Variants in BTBD1 observed in about 807,000 individuals in gnomAD.
The protein encoded by BTBD1 is BTB/POZ domain-containing protein 1.
BTBD1 carries 34 observed loss-of-function variants against 48.0 expected under a neutral mutation model. The observed-to-expected ratio is 0.71, with a 90% confidence interval of 0.54 to 0.94. The LOEUF is 0.94. BTBD1 is among the 40% of genes least tolerant of loss of function. BTBD1 has a pLI of 0.00. For missense variants in BTBD1, 543 were observed against 625.6 expected (o/e 0.87, Z 1.41); for synonymous variants, 261 against 242.1 (o/e 1.08, Z -0.72).
intron 5 of BTBD1, among the ~76,000 whole-genome samples, chr15:83,028,997 T>C (rs918520437): frequency 6.6e-6 from 1 of 152,184 alleles, no homozygotes; most frequent in African/African-American, 2.4e-5. Context: ...ATTTGTTTTC[T>C]AGCTACTTGG....
chr15:83,034,797 G>A (rs935897625), intron 4 of BTBD1, among the ~76,000 whole-genome samples: 2 of 152,150 alleles, frequency 1.3e-5, no homozygotes, highest in Non-Finnish European at 2.9e-5. Context: ...CATACCCTGA[G>A]ATTTAAATCT....
intron 1 of BTBD1, among the ~76,000 whole-genome samples, chr15:83,062,310 G>GA (rs2033189045): frequency 6.6e-6 from 1 of 152,044 alleles, no homozygotes; most frequent in African/African-American, 2.4e-5. Flanking sequence ...AAGCAATGCA[G>GA]AAAAAAATGG....
intron 1 of BTBD1, among the ~76,000 whole-genome samples, chr15:83,065,641 T>C (rs62010175): frequency 0.19 from 29,300 of 152,218 alleles, 3,016 homozygotes; most frequent in Non-Finnish European, 0.22. Context: ...CATCTTAGTA[T>C]AATGAAACAG....
At chr15:83,050,374 T>C (rs559085146) in intron 2 of BTBD1, among the ~76,000 whole-genome samples, 196 bp from the exon 3 acceptor site, 6 of 152,120 alleles carry the variant, frequency 3.9e-5, no homozygotes, top group Non-Finnish European at 2.9e-5. Flanking sequence ...AAAATACAAA[T>C]GCCCTGCTAA....
At chr15:83,052,106 G>A (rs1363720929) in intron 2 of BTBD1, among the ~76,000 whole-genome samples, 1 of 151,882 alleles carries the variant, frequency 6.6e-6, no homozygotes, top group African/African-American at 2.4e-5. Flanking sequence ...ACAGGCGCCT[G>A]CCACCACACC....
intron 1 of BTBD1, among the ~76,000 whole-genome samples, chr15:83,056,799 G>A (rs1347277899): frequency 2.0e-5 from 3 of 151,528 alleles, no homozygotes; most frequent in Non-Finnish European, 4.4e-5. Flanking sequence ...TCTGGCTCAA[G>A]CCATCCTCCC....
chr15:83,048,231 G>T (rs2032914972), intron 3 of BTBD1, among the ~76,000 whole-genome samples: 1 of 152,180 alleles, frequency 6.6e-6, no homozygotes, highest in Admixed American at 6.5e-5. Flanking sequence ...TGGTGGTGTT[G>T]TTAAGGAAGA....
chr15:83,051,929 T>C (rs1446749543), intron 2 of BTBD1, among the ~76,000 whole-genome samples: 2 of 132,574 alleles, frequency 1.5e-5, no homozygotes, highest in African/African-American at 5.7e-5. Flanking sequence ...GAGACTAAAC[T>C]ATTTGAGAGT....
intron 6 of BTBD1, among the ~76,000 whole-genome samples, chr15:83,019,590 T>C (rs1255444702): frequency 2.2e-5 from 2 of 90,898 alleles, no homozygotes; most frequent in African/African-American, 7.8e-5. Flanking sequence ...GCCTGGTGTC[T>C]TTTTTTTTTT....
At chr15:83,064,640 G>C (rs12442728) in intron 1 of BTBD1, among the ~76,000 whole-genome samples, 1 of 151,876 alleles carries the variant, frequency 6.6e-6, no homozygotes, top group Non-Finnish European at 1.5e-5. Context: ...GTATCACTTA[G>C]GGAGAGTGTT....
chr15:83,052,657 G>A (rs2033010199), intron 2 of BTBD1, among the ~76,000 whole-genome samples: 1 of 146,100 alleles, frequency 6.8e-6, no homozygotes, highest in Non-Finnish European at 1.5e-5. Context: ...TTGAGATGGA[G>A]TCTCGCTCTG....
At chr15:83,058,662 A>T (rs936613810) in intron 1 of BTBD1, among the ~76,000 whole-genome samples, 1 of 152,168 alleles carries the variant, frequency 6.6e-6, no homozygotes, top group African/African-American at 2.4e-5. Context: ...ACAAGGTAGC[A>T]GTCTAGAAGT....
At position 83,045,671 on chromosome 15, in the gene BTBD1, T is replaced by A. The variant is rs112231327; in HGVS notation, c.665-3746A>T. Among the ~76,000 whole-genome samples, 186 of 152,260 alleles carry A rather than the reference T, an allele frequency of 1.2e-3. 1 individual carries two copies. The highest frequency in any genetic ancestry group is 4.2e-3 in the African/African-American group (176 of 41,552). ...TAAAAATAAACTGGTTACACATAAT[T>A]TTTTTTAAAAATCAAACTTTAGTAT... On this transcript the variant is annotated intron_variant, in intron 3 of 7. Transcript: ENST00000261721.
Position 83,045,522 on chromosome 15 carries a change from A to AAAC in BTBD1, c.665-3598_665-3597insGTT, listed in dbSNP as rs1567109298. ...TCAAAAAAACAAACAAACAAACAAA[A>AAAC]AAAAACTTTTCTGCAATGGTCTACA... On this transcript the variant is annotated intron_variant, in intron 3 of 7. Coordinates refer to ENST00000261721, the MANE Select transcript of BTBD1 (RefSeq NM_025238.4). Among the ~76,000 whole-genome samples, 687 of 152,044 alleles carry AAAC rather than the reference A, an allele frequency of 4.5e-3. 6 individuals carry two copies. Among genetic ancestry groups the AAAC allele is most frequent in the African/African-American group, 0.016 (655 of 41,436 alleles).
Position 83,018,198 on chromosome 15 carries a change from C to A in BTBD1, c.1318G>T (p.Gly440Ter). 2 of 1,602,674 alleles carry A rather than the reference C, an allele frequency of 1.2e-6. No individual in the cohort carries two copies. Among genetic ancestry groups the A allele is most frequent in the Non-Finnish European group, 1.7e-6 (2 of 1,175,124 alleles). ...GTCTCATGCACTACTTTCTTCAATC[C>A]TTTTGTGCCATAGTGGGAATCTGGA... ...KGPDSHYGTKGLKKVVHETPA... is the reference protein window; with the variant it reads ...KGPDSHYGTK The change falls in exon 8 of 8, where the codon GGA (glycine) becomes TGA (stop). Residue 440 changes from glycine to a stop codon, truncating the protein, a stop_gained. Transcript: ENST00000261721. LOFTEE classifies it high-confidence loss of function.
chr15:83,028,584 T>C (rs1270429147), intron 5 of BTBD1: 1 of 152,190 alleles, frequency 6.6e-6, no homozygotes, highest in Non-Finnish European at 1.5e-5. Flanking sequence ...TCAAGGAAAC[T>C]AACTGTTCCT....
chr15:83,043,559 G>C (rs550198234), intron 3 of BTBD1, among the ~76,000 whole-genome samples: 1 of 152,270 alleles, frequency 6.6e-6, no homozygotes, highest in South Asian at 2.1e-4. Context: ...CTCTTGCATC[G>C]ATCCAGGTCA....
chr15:83,037,028 T>C (rs567827971), intron 4 of BTBD1, among the ~76,000 whole-genome samples: 1 of 152,264 alleles, frequency 6.6e-6, no homozygotes, highest in Non-Finnish European at 1.5e-5. Context: ...TAAACTTTAA[T>C]TTCAAAAGTT....
At position 83,018,057 on chromosome 15, in the gene BTBD1, T is replaced by C; in HGVS notation, c.*10A>G. On this transcript the variant is annotated 3_prime_UTR_variant, in exon 8 of 8. Transcript: ENST00000261721. Reference sequence around the variant, plus strand: ...GGTATTATTTAGCCAAGATGTATTATAATGCTAAATTATGTATAAAATATG... The same window carrying C: ...GGTATTATTTAGCCAAGATGTATTACAATGCTAAATTATGTATAAAATATG... 3.2e-6 allele frequency: 5 copies of C among 1,578,672 alleles called. No individual in the cohort carries two copies. Among genetic ancestry groups the C allele is most frequent in the Non-Finnish European group, 4.3e-6 (5 of 1,155,224 alleles).
Sources: gnomAD v4.1 joint callset for allele counts (sites outside exome capture counted in the v4.1 genomes callset) on GRCh38, gnomAD v4.1.1 for gene constraint, MANE v1.5 for transcripts, NCBI Gene and HGNC (gene_info 2026-07-23, HGNC 2026-07-21) for gene names.